Variants in CNTNAP2 observed in about 807,000 individuals in gnomAD.
The protein encoded by CNTNAP2 is contactin-associated protein-like 2.
In CNTNAP2, 98 loss-of-function variants were observed where a neutral mutation model predicts 155.2. The ratio of observed to expected loss-of-function variants is 0.63; its 90% CI spans 0.54 to 0.75. The LOEUF (loss-of-function observed/expected upper bound fraction) is 0.75, where lower values mean the gene tolerates loss of function less well. CNTNAP2 is among the 30% of genes least tolerant of loss of function. CNTNAP2 has a pLI of 0.00. For missense variants in CNTNAP2, 1,727 were observed against 1,688.1 expected (o/e 1.02, Z -0.40); for synonymous variants, 651 against 631.2 (o/e 1.03, Z -0.47).
At chr7:146,574,311 C>T (rs1159628116) in intron 1 of CNTNAP2, among the ~76,000 whole-genome samples, 1 of 152,190 alleles carries the variant, frequency 6.6e-6, no homozygotes, top group Non-Finnish European at 1.5e-5. Flanking sequence ...TTCACGCACA[C>T]ATAGAGCAAA....
chr7:146,323,856 TG>T (rs1801049154), intron 1 of CNTNAP2, among the ~76,000 whole-genome samples: 1 of 152,206 alleles, frequency 6.6e-6, no homozygotes, highest in Non-Finnish European at 1.5e-5. Context: ...TTATTAACAT[TG>T]CTCCATTCCC....
intron 1 of CNTNAP2, among the ~76,000 whole-genome samples, chr7:146,719,710 C>T (rs1801252432): frequency 1.4e-5 from 2 of 142,704 alleles, no homozygotes; most frequent in Admixed American, 6.7e-5. Context: ...TTGAAATTCA[C>T]TTCTCTTTCT....
intron 3 of CNTNAP2, among the ~76,000 whole-genome samples, chr7:146,879,111 A>G (rs999601718): frequency 1.1e-4 from 16 of 152,200 alleles, no homozygotes; most frequent in African/African-American, 3.9e-4. Context: ...AGATGCCTTC[A>G]TAGGTTGACT....
At chr7:147,446,138 T>C (rs924957270) in intron 10 of CNTNAP2, among the ~76,000 whole-genome samples, 2 of 151,286 alleles carry the variant, frequency 1.3e-5, no homozygotes, top group African/African-American at 4.8e-5. Flanking sequence ...TTTTTTTTTT[T>C]TTTAACCTGT....
rs1045431888 is a variant in CNTNAP2 at position 147,975,001 on chromosome 7, T to G, written c.2256-2861T>G. On this transcript the variant is annotated intron_variant, in intron 14 of 23. Coordinates refer to ENST00000361727, the MANE Select transcript of CNTNAP2 (RefSeq NM_014141.6). ...TTATATAATACAAATACATGCAACA[T>G]GTATTATACAATTTTTTGTATTACA... Among the ~76,000 whole-genome samples, 6 of 124,218 alleles carry G rather than the reference T, an allele frequency of 4.8e-5. No individual in the cohort carries two copies. The East Asian group carries it at 2.0e-3, about 41-fold the overall frequency. The allele number at this position is 124,218 out of a possible 152,430, so 81.5% of individuals were successfully genotyped here.
At chr7:148,161,073 A>T (rs572861647) in intron 17 of CNTNAP2, among the ~76,000 whole-genome samples, 47 of 152,238 alleles carry the variant, frequency 3.1e-4, no homozygotes, top group African/African-American at 1.1e-3. Context: ...CCCTCCAAGG[A>T]TATCTTTATT....
chr7:146,569,101 C>A (rs1460117990), intron 1 of CNTNAP2, among the ~76,000 whole-genome samples: 1 of 152,116 alleles, frequency 6.6e-6, no homozygotes, highest in Non-Finnish European at 1.5e-5. Context: ...ACCGCAAGGG[C>A]TGCCTCCCGG....
chr7:147,097,590 A>G (rs1446972434), intron 4 of CNTNAP2: 1 of 152,202 alleles, frequency 6.6e-6, no homozygotes, highest in Admixed American at 6.5e-5. Context: ...CTAGAACAGT[A>G]TGAGGGAAAC....
chr7:148,097,262 G>T (rs551496385), intron 15 of CNTNAP2, among the ~76,000 whole-genome samples: 1 of 142,938 alleles, frequency 7.0e-6, no homozygotes, highest in African/African-American at 2.6e-5. Context: ...AGCATTCCCC[G>T]TCAGTGCTAC....
chr7:146,768,298 A>G (rs1363382625), intron 1 of CNTNAP2, among the ~76,000 whole-genome samples: 1 of 151,526 alleles, frequency 6.6e-6, no homozygotes, highest in Non-Finnish European at 1.5e-5. Flanking sequence ...GCAGCACAGC[A>G]GTTCCTCAAG....
At chr7:146,683,952 C>A (rs1243596450) in intron 1 of CNTNAP2, among the ~76,000 whole-genome samples, 1 of 152,170 alleles carries the variant, frequency 6.6e-6, no homozygotes, top group Non-Finnish European at 1.5e-5. Context: ...GCAGCTACAC[C>A]TTTCACTGGA....
chr7:147,287,133 C>G (rs977264704), intron 8 of CNTNAP2, among the ~76,000 whole-genome samples: 14 of 152,060 alleles, frequency 9.2e-5, no homozygotes, highest in Admixed American at 2.6e-4. Context: ...ATAGCACGGG[C>G]AAGTGGGAAT....
rs1309333838 is a variant in CNTNAP2 at position 146,116,839 on chromosome 7, A to C, written c.-38A>C. ...ACGGAGAGTCGGACTGCATCTCCGC[A>C]GCGAGCTCTTGGAGCGCCGCCGGCC... On this transcript the variant is annotated 5_prime_UTR_variant, in exon 1 of 24. Coordinates refer to ENST00000361727, the MANE Select transcript of CNTNAP2 (RefSeq NM_014141.6). The surrounding 1 kb of genome is among the most constrained non-coding windows in gnomAD (Gnocchi z 5.5). 4 of 1,505,530 alleles carry C rather than the reference A, an allele frequency of 2.7e-6. No homozygotes were observed. 93.3% of individuals were successfully genotyped at this position (1,505,530 alleles called of 1,614,324 possible).
At position 148,106,493 on chromosome 7, in the gene CNTNAP2, G is replaced by GAGAGAGATAGATAT. The variant is rs1554472856; in HGVS notation, c.2384-11624_2384-11623insGAGAGATAGATATA. On this transcript the variant is annotated intron_variant, in intron 15 of 23. Transcript: ENST00000361727. ...CACTTCAGTGTACTGCACACTTTGA[G>GAGAGAGATAGATAT]ATATATATATATATATATATATATA... Among the ~76,000 whole-genome samples, 258 of 124,912 alleles carry GAGAGAGATAGATAT rather than the reference G, an allele frequency of 2.1e-3. 2 individuals are homozygous for GAGAGAGATAGATAT. The highest frequency in any genetic ancestry group is 8.7e-3 in the African/African-American group (251 of 28,994). 81.9% of individuals were successfully genotyped at this position (124,912 alleles called of 152,430 possible). A position where few individuals can be genotyped will look rare whatever the true frequency, so the allele number is the denominator to read the frequency against.
chr7:146,569,175 C>T (rs1277510766), intron 1 of CNTNAP2, among the ~76,000 whole-genome samples: 3 of 152,072 alleles, frequency 2.0e-5, no homozygotes, highest in Non-Finnish European at 2.9e-5. Flanking sequence ...CACCACCACG[C>T]CCGGCTAATT....
intron 1 of CNTNAP2, among the ~76,000 whole-genome samples, chr7:146,471,447 A>T (rs1160261688): frequency 2.0e-5 from 3 of 152,244 alleles, no homozygotes; most frequent in Non-Finnish European, 4.4e-5. Flanking sequence ...TGAATCAACA[A>T]TGGAGAAATA....
Position 146,392,566 on chromosome 7 carries a change from G to A in CNTNAP2, c.97+275593G>A, listed in dbSNP as rs115930407. Among the ~76,000 whole-genome samples, 321 of 152,216 alleles carry A rather than the reference G, an allele frequency of 2.1e-3. 2 individuals carry two copies. Among genetic ancestry groups the A allele is most frequent in the African/African-American group, 7.3e-3 (305 of 41,530 alleles). On this transcript the variant is annotated intron_variant, in intron 1 of 23. Transcript: ENST00000361727. Reference sequence around the variant, plus strand: ...ATTTCAGATGTTGGAGAAAATATTCGGAATTTATGTGACACTGGATAATAC... The same window carrying A: ...ATTTCAGATGTTGGAGAAAATATTCAGAATTTATGTGACACTGGATAATAC...
intron 17 of CNTNAP2, among the ~76,000 whole-genome samples, chr7:148,152,102 A>G (rs1380230400): frequency 6.6e-6 from 1 of 152,140 alleles, no homozygotes; most frequent in Non-Finnish European, 1.5e-5. Flanking sequence ...ACCTGTGTTA[A>G]TGTAATTGCC....
intron 1 of CNTNAP2, among the ~76,000 whole-genome samples, chr7:146,715,055 G>A (rs1229654449): frequency 6.6e-6 from 1 of 152,176 alleles, no homozygotes; most frequent in Non-Finnish European, 1.5e-5. Context: ...TAGAGGCCGG[G>A]CGTGATGGCT....
Sources: allele counts gnomAD v4.1 joint callset (sites outside exome capture counted in the v4.1 genomes callset), GRCh38; gene constraint gnomAD v4.1.1; non-coding constraint Gnocchi (gnomAD v3.1); transcripts MANE v1.5; gene names NCBI Gene and HGNC (gene_info 2026-07-23, HGNC 2026-07-21).